CSMD1: variants seen among roughly 807,000 people sequenced by gnomAD.
The protein encoded by CSMD1 is CUB and sushi domain-containing protein 1.
In CSMD1, 213 loss-of-function variants were observed where a neutral mutation model predicts 417.5. The observed-to-expected ratio is 0.51, with a 90% CI of 0.46 to 0.57. The LOEUF (loss-of-function observed/expected upper bound fraction) is 0.57, where lower values mean the gene tolerates loss of function less well. Among genes scored for constraint, CSMD1 ranks in the 20% least tolerant of loss-of-function variants. The pLI is 0.00. For missense variants in CSMD1, 6,923 were observed against 4,529.7 expected, an observed-to-expected ratio of 1.53 and a Z score of -15.17; for synonymous variants, 2,862 against 1,736.8, an observed-to-expected ratio of 1.65 and a Z score of -16.11.
chr8:4,112,533 T>C (rs1467614668), intron 3 of CSMD1, among the ~76,000 whole-genome samples: 1 of 152,178 alleles, frequency 6.6e-6, no homozygotes, highest in Non-Finnish European at 1.5e-5. Flanking sequence ...CATCCCAAAC[T>C]GGACACAGCA....
intron 3 of CSMD1, among the ~76,000 whole-genome samples, chr8:4,073,728 C>G (rs1186695518): frequency 6.6e-6 from 1 of 152,072 alleles, no homozygotes; most frequent in Non-Finnish European, 1.5e-5. Context: ...TGTATAGACA[C>G]CAGCTGTTTT....
intron 3 of CSMD1, among the ~76,000 whole-genome samples, chr8:4,223,173 G>A (rs540153761): frequency 5.3e-5 from 8 of 149,606 alleles, no homozygotes; most frequent in Admixed American, 3.3e-4. Context: ...AGGAGCCTCC[G>A]GGAGTTAATA....
intron 23 of CSMD1, among the ~76,000 whole-genome samples, chr8:3,310,205 C>T (rs1446407229): frequency 1.3e-5 from 2 of 152,164 alleles, no homozygotes; most frequent in African/African-American, 2.4e-5. Context: ...GCCAAGAAGA[C>T]AGGGCAGAAA....
chr8:4,282,279 C>T (rs909191721), intron 3 of CSMD1, among the ~76,000 whole-genome samples: 1 of 152,136 alleles, frequency 6.6e-6, no homozygotes, highest in African/African-American at 2.4e-5. Flanking sequence ...TGTCATTTTA[C>T]AGATAGAACT....
At chr8:3,873,108 G>C (rs752954492) in intron 5 of CSMD1, among the ~76,000 whole-genome samples, 6 of 152,074 alleles carry the variant, frequency 3.9e-5, no homozygotes, top group African/African-American at 7.2e-5. Flanking sequence ...CTTGGTGGGA[G>C]TGTAAATTAG....
chr8:4,699,177 T>A (rs79652367), intron 1 of CSMD1, among the ~76,000 whole-genome samples: 1 of 152,202 alleles, frequency 6.6e-6, no homozygotes, highest in Non-Finnish European at 1.5e-5. Flanking sequence ...ACTCTGGACC[T>A]CTCAAAGCCT....
chr8:3,656,077 C>A (rs780098234), intron 7 of CSMD1, among the ~76,000 whole-genome samples: 1 of 152,172 alleles, frequency 6.6e-6, no homozygotes, highest in Admixed American at 6.5e-5. Flanking sequence ...ATGCCCAGCA[C>A]CCCTGCTACA....
chr8:4,656,111 T>C (rs776383236), intron 1 of CSMD1, among the ~76,000 whole-genome samples: 9 of 151,888 alleles, frequency 5.9e-5, no homozygotes, highest in Admixed American at 4.6e-4. Context: ...GGGGGCAAAG[T>C]GTATCGTGTG....
chr8:3,910,819 T>C (rs1471989074), intron 5 of CSMD1, among the ~76,000 whole-genome samples: 1 of 152,198 alleles, frequency 6.6e-6, no homozygotes, highest in Admixed American at 6.5e-5. Flanking sequence ...GGAGAGTGCA[T>C]GCTACAGGCC....
At chr8:3,182,104 T>C (rs1266276416) in intron 36 of CSMD1, among the ~76,000 whole-genome samples, 1 of 152,130 alleles carries the variant, frequency 6.6e-6, no homozygotes, top group Non-Finnish European at 1.5e-5. Context: ...ATTATTCAAG[T>C]ACTGCTGTAT....
At position 3,412,038 on chromosome 8, in the gene CSMD1, A is replaced by G. The variant is rs867324362; in HGVS notation, c.1562-2433T>C. 2.4e-3 allele frequency among the ~76,000 whole-genome samples: 194 copies of G among 81,064 alleles called. 38 individuals carry two copies. Among genetic ancestry groups the G allele is most frequent in the African/African-American group, 3.0e-3 (57 of 18,966 alleles). 53.2% of individuals were successfully genotyped at this position (81,064 alleles called of 152,430 possible). On this transcript the variant is annotated intron_variant, in intron 12 of 69. Transcript: ENST00000635120. ...TACATATACACACGTATATATACAC[A>G]TATATACACGTATATATACACACGT...
At position 3,110,208 on chromosome 8, in the gene CSMD1, G is replaced by A. The variant is rs963919764; in HGVS notation, c.6558C>T (p.Ile2186=). 3.1e-6 allele frequency: 5 copies of A among 1,613,124 alleles called. No homozygotes were observed. Residue 2186 remains isoleucine (I), a synonymous_variant, in exon 43 of 70, where the codon ATC becomes ATT. Transcript: ENST00000635120. ...ITVPPGHGVY[I]NFTLLQTEAV... ...CTTCCGTCTGTAACAGGGTGAAGTT[G>A]ATGTAAACTCCGTGCCCTGGAGGCA...
chr8:4,576,766 C>G (rs1351548309), intron 2 of CSMD1, among the ~76,000 whole-genome samples: 3 of 151,966 alleles, frequency 2.0e-5, no homozygotes, highest in Non-Finnish European at 4.4e-5. Flanking sequence ...AATATGTATG[C>G]TAATTCAAGT....
intron 3 of CSMD1, among the ~76,000 whole-genome samples, chr8:4,139,433 A>G (rs1803641492): frequency 1.4e-5 from 2 of 144,542 alleles, no homozygotes; most frequent in African/African-American, 5.8e-5. Flanking sequence ...TAAAGAACGA[A>G]GGAAGACTCT....
intron 1 of CSMD1, among the ~76,000 whole-genome samples, chr8:4,922,086 G>A (rs752872854): frequency 4.6e-5 from 7 of 152,146 alleles, no homozygotes; most frequent in Non-Finnish European, 8.8e-5. Context: ...CTGAGCTTTT[G>A]TAATCATGAT....
chr8:3,298,116 T>G (rs547598070), intron 25 of CSMD1, among the ~76,000 whole-genome samples: 1 of 152,130 alleles, frequency 6.6e-6, no homozygotes, highest in Non-Finnish European at 1.5e-5. Context: ...GTTCCTGAAA[T>G]TCTCTCATAT....
At chr8:4,968,761 C>T (rs1467925782) in intron 1 of CSMD1, among the ~76,000 whole-genome samples, 1 of 152,098 alleles carries the variant, frequency 6.6e-6, no homozygotes, top group Non-Finnish European at 1.5e-5. Flanking sequence ...CATGTCTCTT[C>T]TTTACCAAAA....
At chr8:4,412,099 G>A (rs557506437) in intron 3 of CSMD1, among the ~76,000 whole-genome samples, 17 of 151,980 alleles carry the variant, frequency 1.1e-4, no homozygotes, top group East Asian at 3.9e-4. Context: ...GAGTGCGTGC[G>A]TGTGTGTGCA....
intron 49 of CSMD1, among the ~76,000 whole-genome samples, chr8:3,061,532 A>G (rs2128993815): frequency 6.6e-6 from 1 of 152,270 alleles, no homozygotes; most frequent in African/African-American, 2.4e-5. Context: ...ACACTGGGAG[A>G]CGTGAAGCTT....
Sources: allele counts gnomAD v4.1 joint callset (sites outside exome capture counted in the v4.1 genomes callset), GRCh38; gene constraint gnomAD v4.1.1; transcripts MANE v1.5; gene names NCBI Gene and HGNC (gene_info 2026-07-23, HGNC 2026-07-21).